The following EXOC2 variants were observed in gnomAD, a reference collection of about 807,000 sequenced individuals.
EXOC2 encodes SEC5-like 1.
In EXOC2, 70 loss-of-function variants were observed where a neutral mutation model predicts 131.8. The observed-to-expected ratio is 0.53, with a 90% CI of 0.44 to 0.65. The LOEUF is 0.65. EXOC2 is among the 30% of genes least tolerant of loss of function. The pLI is 0.00. For missense variants in EXOC2, 923 were observed against 1,108.6 expected, an observed-to-expected ratio of 0.83 and a Z score of 2.38; for synonymous variants, 411 against 398.4, an observed-to-expected ratio of 1.03 and a Z score of -0.38.
At chr6:545,038 T>G (rs1756764036) in intron 22 of EXOC2, among the ~76,000 whole-genome samples, 1 of 149,762 alleles carries the variant, frequency 6.7e-6, no homozygotes. Flanking sequence ...TCCCAGCTAC[T>G]CGGGAGGCTG....
intron 25 of EXOC2, among the ~76,000 whole-genome samples, chr6:493,534 G>C (rs1167935524): frequency 6.6e-6 from 1 of 152,186 alleles, no homozygotes; most frequent in Non-Finnish European, 1.5e-5. Flanking sequence ...ACTGTGGTTA[G>C]CTATATAATA....
intron 1 of EXOC2, among the ~76,000 whole-genome samples, chr6:685,285 G>T (rs1360514181): frequency 6.6e-6 from 1 of 152,140 alleles, no homozygotes; most frequent in Admixed American, 6.5e-5. Context: ...GACCCCAGAA[G>T]AATCCTGTTG....
Position 549,239 on chromosome 6 carries a change from G to T in EXOC2, c.2174C>A (p.Thr725Asn), listed in dbSNP as rs894384677. 7 of 1,614,172 alleles carry T rather than the reference G, an allele frequency of 4.3e-6. No individual in the cohort carries two copies. The highest frequency in any genetic ancestry group is 1.3e-5 in the African/African-American group (1 of 75,044). Residue 725 changes from threonine (T) to asparagine (N), a missense_variant, in exon 22 of 28, where the codon ACC becomes AAC. Physicochemically the swap from Thr to Asn is moderately conservative, Grantham distance 65. Coordinates refer to ENST00000230449, the MANE Select transcript of EXOC2 (RefSeq NM_018303.6). ...AAAATGTTCTGCGATATTTAGGAAG[G>T]TGTGACGTTCTAGATAGCAGCAATT... is the stretch of plus-strand genomic sequence containing the variant. ...LSNCCYLERH[T>N]FLNIAEHFEK...
rs949176155 is a variant in EXOC2, at chr6:598,917, C to G, written c.913G>C (p.Asp305His). 1 of 1,610,118 alleles carries G rather than the reference C, an allele frequency of 6.2e-7. No homozygotes were observed. Among genetic ancestry groups the G allele is most frequent in the African/African-American group, 1.3e-5 (1 of 74,860 alleles). ...AAAAGTGACTTGGCCTTTTCATAAT[C>G]ATTAATAACCACATCATAATCACCC... Reference protein sequence around the residue: ...QKGDYDVVINDYEKAKSLFGK... With the variant: ...QKGDYDVVINHYEKAKSLFGK... The change falls in exon 9 of 28, where the codon GAT becomes CAT. Residue 305 changes from aspartate to histidine, a missense_variant. Asp to His is a moderately conservative substitution (Grantham distance 81). Transcript: ENST00000230449.
intron 4 of EXOC2, among the ~76,000 whole-genome samples, chr6:621,491 C>T (rs1027138587): frequency 8.5e-5 from 13 of 152,228 alleles, no homozygotes; most frequent in Non-Finnish European, 1.8e-4. Context: ...ATGCCTACTG[C>T]GTGAGCATCT....
chr6:666,117 ACTACACTGCC>A (rs964970839), intron 1 of EXOC2, among the ~76,000 whole-genome samples: 3 of 152,126 alleles, frequency 2.0e-5, no homozygotes, highest in Non-Finnish European at 4.4e-5. Context: ...GCCAAAAACT[ACTACACTGCC>A]CTTCACAAAA....
intron 23 of EXOC2, among the ~76,000 whole-genome samples, chr6:513,905 C>T (rs920663728): frequency 6.6e-6 from 1 of 152,252 alleles, no homozygotes; most frequent in Non-Finnish European, 1.5e-5. Context: ...GCTCCACACA[C>T]TTAAAAATCT....
At chr6:490,062 TATG>T (rs1204323930) in intron 26 of EXOC2, among the ~76,000 whole-genome samples, 9 of 152,242 alleles carry the variant, frequency 5.9e-5, no homozygotes, top group African/African-American at 2.2e-4. Context: ...GCTTGTTTCT[TATG>T]AACCTCTTTT....
At chr6:560,337 T>A (rs1031969024) in intron 17 of EXOC2, among the ~76,000 whole-genome samples, 1 of 152,220 alleles carries the variant, frequency 6.6e-6, no homozygotes, top group Non-Finnish European at 1.5e-5. Context: ...TAGGTTCTGA[T>A]TCCAAATCAA....
chr6:499,460 C>CACAG (rs1763918344), intron 24 of EXOC2, among the ~76,000 whole-genome samples, 185 bp downstream of exon 24: 1 of 151,270 alleles, frequency 6.6e-6, no homozygotes, highest in Non-Finnish European at 1.5e-5. Flanking sequence ...CACACACACA[C>CACAG]ACACACACAC....
chr6:637,899 G>A (rs1464038060), intron 1 of EXOC2, 38 bp from the exon 2 acceptor site: 3 of 1,257,504 alleles, frequency 2.4e-6, no homozygotes, highest in Non-Finnish European at 3.4e-6. Flanking sequence ...AGTACCAACT[G>A]AGACAAGCAT....
intron 25 of EXOC2, 112 bp from the exon 26 acceptor site, chr6:491,298 A>T: frequency 9.6e-6 from 10 of 1,045,580 alleles, no homozygotes; most frequent in Non-Finnish European, 1.5e-5. Flanking sequence ...GGGTTGGCGT[A>T]ATACCACCAT....
At chr6:620,652 TCTC>T (rs1442231065) in intron 4 of EXOC2, among the ~76,000 whole-genome samples, 2 of 152,144 alleles carry the variant, frequency 1.3e-5, no homozygotes, top group Non-Finnish European at 2.9e-5. Flanking sequence ...AGTCTTGCTG[TCTC>T]CTCATTACAA....
At chr6:503,434 G>A (rs1253205044) in intron 23 of EXOC2, among the ~76,000 whole-genome samples, 1 of 152,118 alleles carries the variant, frequency 6.6e-6, no homozygotes, top group African/African-American at 2.4e-5. Flanking sequence ...ATTTCATGTT[G>A]TAAAAAACAT....
chr6:580,567 T>C (rs1758834007), intron 11 of EXOC2, among the ~76,000 whole-genome samples: 1 of 152,182 alleles, frequency 6.6e-6, no homozygotes, highest in South Asian at 2.1e-4. Context: ...GAAAAGGTTA[T>C]AACTATGTTT....
chr6:629,119 A>C (rs1413278360), intron 4 of EXOC2, among the ~76,000 whole-genome samples: 7 of 152,212 alleles, frequency 4.6e-5, no homozygotes, highest in Admixed American at 4.6e-4. Context: ...AGAAAACCCT[A>C]AACTAAAACC....
intron 15 of EXOC2, 72 bp downstream of exon 15, chr6:564,473 A>G: frequency 5.7e-6 from 9 of 1,568,154 alleles, no homozygotes; most frequent in Non-Finnish European, 7.0e-6. Context: ...TCTTCACTGA[A>G]TGTATTAATT....
chr6:499,745 C>A, intron 23 of EXOC2, 45 bp from the exon 24 acceptor site: 1 of 1,518,586 alleles, frequency 6.6e-7, no homozygotes, highest in Non-Finnish European at 9.1e-7. Context: ...AATAATAACA[C>A]AAGCTCCCCT....
intron 1 of EXOC2, among the ~76,000 whole-genome samples, chr6:642,369 A>G (rs1762393567): frequency 6.6e-6 from 1 of 152,172 alleles, no homozygotes; most frequent in African/African-American, 2.4e-5. Context: ...TCAGGACTGA[A>G]CTGAATTAGA....
Sources: gnomAD v4.1 joint callset for allele counts (sites outside exome capture counted in the v4.1 genomes callset) on GRCh38, gnomAD v4.1.1 for gene constraint, MANE v1.5 for transcripts, NCBI Gene and HGNC (gene_info 2026-07-23, HGNC 2026-07-21) for gene names.